FBP2: variants seen among roughly 807,000 people sequenced by gnomAD.
FBP2 encodes the protein fructose-bisphosphatase 2, also known as fructose-1,6-bisphosphatase isozyme 2.
FBP2 carries 27 observed loss-of-function variants against 31.6 expected under a neutral mutation model. The ratio of observed to expected loss-of-function variants is 0.85; its 90% CI spans 0.63 to 1.18. FBP2 has a LOEUF of 1.18. FBP2 is among the 50% of genes most tolerant of loss of function. The probability of loss-of-function intolerance (pLI) is 0.00; values close to 1 mark genes in which losing one functional copy is unlikely to be tolerated. For missense variants in FBP2, 421 were observed against 436.1 expected (o/e 0.97, Z 0.31); for synonymous variants, 168 against 179.8 (o/e 0.93, Z 0.53).
At chr9:94,585,993 C>A (rs1827422985) in intron 2 of FBP2, among the ~76,000 whole-genome samples, 1 of 152,168 alleles carries the variant, frequency 6.6e-6, no homozygotes, top group African/African-American at 2.4e-5. Flanking sequence ...CTCAGCCTCC[C>A]AAAGCACCGG....
At chr9:94,589,342 A>G (rs1437455002) in intron 1 of FBP2, among the ~76,000 whole-genome samples, 3 of 151,978 alleles carry the variant, frequency 2.0e-5, no homozygotes, top group African/African-American at 7.3e-5. Context: ...TCTTCCTGCT[A>G]TTCCTCCTTT....
chr9:94,577,923 C>T (rs1827332639), intron 3 of FBP2: 1 of 152,082 alleles, frequency 6.6e-6, no homozygotes, highest in South Asian at 2.1e-4. Context: ...TATGTTCTGT[C>T]GTGTCTAGCA....
intron 3 of FBP2, among the ~76,000 whole-genome samples, chr9:94,574,765 CA>C (rs1827300448): frequency 6.6e-6 from 1 of 152,078 alleles, no homozygotes; most frequent in African/African-American, 2.4e-5. Flanking sequence ...ACCTCTCTAC[CA>C]AACTCATCAA....
At chr9:94,587,507 G>C in intron 1 of FBP2, 38 bp from the exon 2 acceptor site, 1 of 1,604,696 alleles carries the variant, frequency 6.2e-7, no homozygotes, top group Non-Finnish European at 8.5e-7. Context: ...AGTCACTAGG[G>C]GGTCTTAACT....
Position 94,573,776 on chromosome 9 carries a change from T to G in FBP2, c.427-2174A>C, listed in dbSNP as rs573500110. 2.0e-4 allele frequency among the ~76,000 whole-genome samples: 30 copies of G among 152,386 alleles called. 1 individual carries two copies. The South Asian group carries it at 6.2e-3, about 32-fold the overall frequency. On this transcript the variant is annotated intron_variant, in intron 3 of 6. Coordinates refer to ENST00000375337, the MANE Select transcript of FBP2 (RefSeq NM_003837.4). ...CATTTATTGATAAGGAATATTGGTCTGTGGTATTTTTTTGAACAATCTTTG... is the reference window on the plus strand; with the variant it reads ...CATTTATTGATAAGGAATATTGGTCGGTGGTATTTTTTTGAACAATCTTTG...
intron 5 of FBP2, among the ~76,000 whole-genome samples, chr9:94,564,512 C>G (rs1827157406): frequency 6.6e-6 from 1 of 152,134 alleles, no homozygotes; most frequent in Non-Finnish European, 1.5e-5. Flanking sequence ...TTTGCAGGAA[C>G]ATGGGTGGAG....
intron 5 of FBP2, among the ~76,000 whole-genome samples, chr9:94,564,536 T>C (rs2131443657): frequency 6.6e-6 from 1 of 152,278 alleles, no homozygotes; most frequent in South Asian, 2.1e-4. Flanking sequence ...AAGGCCTAAT[T>C]ATCTTAAGTA....
chr9:94,591,177 A>G (rs530759405), intron 1 of FBP2, among the ~76,000 whole-genome samples: 21 of 152,294 alleles, frequency 1.4e-4, no homozygotes, highest in South Asian at 6.2e-4. Flanking sequence ...GATGGGACTG[A>G]GCGCTGTGGA....
rs61753274 is a variant in FBP2 at position 94,571,542 on chromosome 9, C to T, written c.487G>A (p.Ala163Thr). Reference sequence around the variant, plus strand: ...GCACTACCGTACAGCGCATAACCTGCGGCCACAATATTGCGGCCACACTGC... The same window carrying T: ...GCACTACCGTACAGCGCATAACCTGTGGCCACAATATTGCGGCCACACTGC... ...ALQCGRNIVA[A>T]GYALYGSATL... Residue 163 changes from alanine to threonine, a missense_variant, in exon 4 of 7, where the codon GCA becomes ACA. By Grantham distance (58) the Ala-to-Thr change is moderately conservative. Transcript: ENST00000375337. 6,965 of 1,613,686 alleles carry T rather than the reference C, an allele frequency of 4.3e-3. 27 individuals are homozygous for T. The highest frequency in any genetic ancestry group is 8.5e-3 in the Admixed American group (509 of 59,994).
rs139604911 is a variant in FBP2, at chr9:94,559,118, A to G, written c.840T>C (p.Tyr280=). ...TGATGTAGGCCACGGGATTGCATTC[A>G]TACAGGAGCCGGAGCTGTGGAGGAA... ...KSPKGKLRLL[Y]ECNPVAYIIE... The change falls in exon 7 of 7, where the codon TAT becomes TAC. Residue 280 remains tyrosine, a synonymous_variant. Transcript: ENST00000375337. 365 of 1,611,924 alleles carry G rather than the reference A, an allele frequency of 2.3e-4. No homozygotes were observed. Among genetic ancestry groups the G allele is most frequent in the Non-Finnish European group, 3.0e-4 (350 of 1,178,842 alleles).
intron 3 of FBP2, among the ~76,000 whole-genome samples, chr9:94,575,364 A>G (rs1827306212): frequency 1.3e-5 from 2 of 152,034 alleles, no homozygotes; most frequent in Admixed American, 1.3e-4. Flanking sequence ...TTGGAACATC[A>G]TCTAAATGAA....
intron 4 of FBP2, chr9:94,567,655 A>C (rs1406017707): frequency 4.5e-6 from 2 of 448,352 alleles, no homozygotes; most frequent in African/African-American, 3.9e-5. Context: ...GAAGCAGCCC[A>C]TAGTCTTCTT....
chr9:94,582,351 CGTGTGTGTGT>C (rs71366248), intron 3 of FBP2, among the ~76,000 whole-genome samples: 3,025 of 147,704 alleles, frequency 0.02, 102 homozygotes, highest in African/African-American at 0.069. Context: ...TGTGTGTGTG[CGTGTGTGTGT>C]GTGTGTGTGT....
intron 2 of FBP2, among the ~76,000 whole-genome samples, chr9:94,584,873 C>CA (rs762252680): frequency 3.3e-5 from 5 of 152,286 alleles, no homozygotes; most frequent in Non-Finnish European, 7.4e-5. Flanking sequence ...GTATCCATCT[C>CA]ACCTGTCTGA....
At chr9:94,561,705 A>G (rs990607896) in intron 6 of FBP2, among the ~76,000 whole-genome samples, 3 of 152,198 alleles carry the variant, frequency 2.0e-5, no homozygotes, top group Non-Finnish European at 2.9e-5. Flanking sequence ...ACACAGCTAT[A>G]CAGATGCAGA....
intron 2 of FBP2, among the ~76,000 whole-genome samples, chr9:94,585,472 A>C (rs565816798): frequency 4.2e-4 from 63 of 151,164 alleles, no homozygotes; most frequent in African/African-American, 1.5e-3. Context: ...GTCAGGACAC[A>C]TACAAGCAGG....
intron 5 of FBP2, among the ~76,000 whole-genome samples, 199 bp downstream of exon 5, chr9:94,567,071 A>G (rs147749572): frequency 4.7e-4 from 71 of 152,324 alleles, no homozygotes; most frequent in African/African-American, 1.6e-3. Context: ...AAAGATAAGT[A>G]CTACCTTTAG....
intron 1 of FBP2, among the ~76,000 whole-genome samples, chr9:94,589,151 G>A (rs1016384818): frequency 6.6e-6 from 1 of 151,736 alleles, no homozygotes; most frequent in African/African-American, 2.4e-5. Flanking sequence ...TTTCCATTCT[G>A]AGGGAAGCCG....
At chr9:94,572,009 G>A (rs1827275182) in intron 3 of FBP2, among the ~76,000 whole-genome samples, 1 of 152,112 alleles carries the variant, frequency 6.6e-6, no homozygotes, top group Non-Finnish European at 1.5e-5. Context: ...TCACCTCCAT[G>A]GCTCAGAGGG....
Sources: allele counts gnomAD v4.1 joint callset (sites outside exome capture counted in the v4.1 genomes callset), GRCh38; gene constraint gnomAD v4.1.1; transcripts MANE v1.5; gene names NCBI Gene and HGNC (gene_info 2026-07-23, HGNC 2026-07-21).